The following UBE2E2 variants were observed in gnomAD, a reference collection of about 807,000 sequenced individuals.
UBE2E2 encodes ubiquitin-conjugating enzyme E2 E2.
In UBE2E2, 6 loss-of-function variants were observed where a neutral mutation model predicts 24.7. That is an observed-to-expected ratio of 0.24 (90% CI 0.13 to 0.48). The LOEUF (loss-of-function observed/expected upper bound fraction) is 0.48. Ranked by LOEUF, UBE2E2 falls within the 20% of genes least tolerant of loss-of-function variation. The probability of loss-of-function intolerance (pLI) is 0.99; values close to 1 mark genes in which losing one functional copy is unlikely to be tolerated. For synonymous variants in UBE2E2, 104 were observed against 83.6 expected, an observed-to-expected ratio of 1.24 and a Z score of -1.33; for missense variants, 169 against 245.0, an observed-to-expected ratio of 0.69 and a Z score of 2.07.
At chr3:23,558,042 C>A (rs1015792412) in intron 5 of UBE2E2, among the ~76,000 whole-genome samples, 2 of 152,182 alleles carry the variant, frequency 1.3e-5, no homozygotes, top group Non-Finnish European at 1.5e-5. Flanking sequence ...AGAGTGATAT[C>A]CCTTGAAGGT....
chr3:23,418,567 T>A (rs1697709354), intron 3 of UBE2E2, among the ~76,000 whole-genome samples: 1 of 152,180 alleles, frequency 6.6e-6, no homozygotes, highest in Non-Finnish European at 1.5e-5. Context: ...GTTCTCGAAC[T>A]CCTCACCTCC....
intron 3 of UBE2E2, among the ~76,000 whole-genome samples, chr3:23,313,970 A>G (rs1694495313): frequency 6.6e-6 from 1 of 152,104 alleles, no homozygotes; most frequent in African/African-American, 2.4e-5. Flanking sequence ...AAATAATATA[A>G]CCATTATTTT....
At chr3:23,333,275 AC>A (rs748879302) in intron 3 of UBE2E2, among the ~76,000 whole-genome samples, 5 of 152,302 alleles carry the variant, frequency 3.3e-5, no homozygotes, top group South Asian at 2.1e-4. Flanking sequence ...TAAATTTCAT[AC>A]CCAGTGTTCA....
At chr3:23,451,780 A>G (rs555700144) in intron 3 of UBE2E2, among the ~76,000 whole-genome samples, 1 of 152,336 alleles carries the variant, frequency 6.6e-6, no homozygotes, top group East Asian at 1.9e-4. Context: ...TCTCTCAACA[A>G]GAAATCTCTA....
chr3:23,551,057 ATAACT>A (rs139011911), intron 5 of UBE2E2, among the ~76,000 whole-genome samples: 2,164 of 152,310 alleles, frequency 0.014, 52 homozygotes, highest in African/African-American at 0.05. Flanking sequence ...CTGTTCCTAA[ATAACT>A]TAACTCCCTG....
intron 3 of UBE2E2, among the ~76,000 whole-genome samples, chr3:23,223,390 A>T (rs967103143): frequency 6.6e-6 from 1 of 151,884 alleles, no homozygotes; most frequent in African/African-American, 2.4e-5. Flanking sequence ...ATGGGGTTTT[A>T]CCGTGTTGGC....
upstream of UBE2E2, chr3:23,203,219 C>T (rs957441580): frequency 1.3e-4 from 126 of 987,150 alleles, no homozygotes; most frequent in Non-Finnish European, 1.4e-4. Context: ...CCTCAGGAGC[C>T]GGAGCTGGAA....
chr3:23,396,875 G>C (rs946019016), intron 3 of UBE2E2, among the ~76,000 whole-genome samples: 1 of 152,084 alleles, frequency 6.6e-6, no homozygotes, highest in African/African-American at 2.4e-5. Flanking sequence ...TGCAGGACAG[G>C]GGGGATGTGG....
intron 3 of UBE2E2, among the ~76,000 whole-genome samples, chr3:23,341,064 C>A (rs541427271): frequency 3.0e-4 from 45 of 152,118 alleles, no homozygotes; most frequent in African/African-American, 9.9e-4. Context: ...GACCATGGTT[C>A]CAAGAAGTTT....
At chr3:23,274,078 T>C (rs563127249) in intron 3 of UBE2E2, among the ~76,000 whole-genome samples, 1 of 152,192 alleles carries the variant, frequency 6.6e-6, no homozygotes, top group Non-Finnish European at 1.5e-5. Context: ...GACTGTTGAT[T>C]AAAAAATTAT....
At chr3:23,487,853 A>G (rs1415693866) in intron 3 of UBE2E2, among the ~76,000 whole-genome samples, 1 of 152,164 alleles carries the variant, frequency 6.6e-6, no homozygotes, top group Non-Finnish European at 1.5e-5. Context: ...CTCTGTGTGC[A>G]GGTCACTTTT....
At chr3:23,411,225 G>T (rs1448418328) in intron 3 of UBE2E2, among the ~76,000 whole-genome samples, 1 of 152,174 alleles carries the variant, frequency 6.6e-6, no homozygotes, top group Non-Finnish European at 1.5e-5. Flanking sequence ...CTGAACTGTT[G>T]ATAAAAGTCA....
chr3:23,350,662 G>A (rs1400268116), intron 3 of UBE2E2, among the ~76,000 whole-genome samples: 1 of 152,158 alleles, frequency 6.6e-6, no homozygotes, highest in Admixed American at 6.5e-5. Flanking sequence ...TGAATGAAAT[G>A]AAGCAAGAAG....
intron 4 of UBE2E2, among the ~76,000 whole-genome samples, chr3:23,513,307 A>G (rs1365510976): frequency 6.6e-6 from 1 of 152,186 alleles, no homozygotes; most frequent in African/African-American, 2.4e-5. Context: ...CTCATTGCCC[A>G]GCATTCCCGT....
chr3:23,439,205 CA>C (rs1255443070), intron 3 of UBE2E2, among the ~76,000 whole-genome samples: 1 of 152,154 alleles, frequency 6.6e-6, no homozygotes, highest in East Asian at 1.9e-4. Context: ...GTTATGTGTA[CA>C]GGGGAAGGCT....
intron 3 of UBE2E2, among the ~76,000 whole-genome samples, chr3:23,269,720 T>C (rs529691690): frequency 2.0e-5 from 3 of 152,220 alleles, no homozygotes; most frequent in African/African-American, 7.2e-5. Flanking sequence ...ACAGCTGAAA[T>C]AGCTTGTGCA....
chr3:23,503,236 C>T (rs1236708034), intron 4 of UBE2E2, among the ~76,000 whole-genome samples: 1 of 151,752 alleles, frequency 6.6e-6, no homozygotes, highest in Admixed American at 6.6e-5. Context: ...TTTGCCTAAG[C>T]TGGAGTGAAG....
chr3:23,347,576 A>G (rs1695599742), intron 3 of UBE2E2, among the ~76,000 whole-genome samples: 1 of 152,140 alleles, frequency 6.6e-6, no homozygotes, highest in Non-Finnish European at 1.5e-5. Context: ...TGGGGGAGGG[A>G]TAGCATTAGG....
At chr3:23,501,217 CTGA>C (rs1429866880) in intron 4 of UBE2E2, among the ~76,000 whole-genome samples, 1 of 152,200 alleles carries the variant, frequency 6.6e-6, no homozygotes, top group East Asian at 1.9e-4. Flanking sequence ...GCTTGTAAAT[CTGA>C]TGTGATCTGT....
Sources: gnomAD v4.1 joint callset for allele counts (sites outside exome capture counted in the v4.1 genomes callset) on GRCh38, gnomAD v4.1.1 for gene constraint, MANE v1.5 for transcripts, NCBI Gene and HGNC (gene_info 2026-07-23, HGNC 2026-07-21) for gene names.